Variants in TCF4 observed in about 807,000 individuals in gnomAD.
The protein encoded by TCF4 is transcription factor 4.
A neutral mutation model predicts 82.1 loss-of-function variants in TCF4; 3 were observed. That is an observed-to-expected ratio of 0.04 (90% confidence interval 0.02 to 0.09). The LOEUF (loss-of-function observed/expected upper bound fraction) is 0.09. Among genes scored for constraint, TCF4 ranks in the 10% least tolerant of loss-of-function variants. TCF4 has a pLI of 1.00. For synonymous variants in TCF4, 276 were observed against 309.6 expected, an observed-to-expected ratio of 0.89 and a Z score of 1.14; for missense variants, 518 against 852.7, an observed-to-expected ratio of 0.61 and a Z score of 4.89.
At chr18:55,527,971 G>C (rs1188048920) in intron 3 of TCF4, among the ~76,000 whole-genome samples, 2 of 152,134 alleles carry the variant, frequency 1.3e-5, no homozygotes, top group African/African-American at 4.8e-5. Flanking sequence ...AAAGAAGCCA[G>C]AGCTAAGATA....
At chr18:55,620,482 G>A (rs1015838573) in intron 2 of TCF4, among the ~76,000 whole-genome samples, 1 of 152,054 alleles carries the variant, frequency 6.6e-6, no homozygotes, top group Non-Finnish European at 1.5e-5. Flanking sequence ...CTTTCAAATG[G>A]TTCATTCCTG....
intron 2 of TCF4, among the ~76,000 whole-genome samples, chr18:55,605,169 T>G (rs72932778): frequency 6.6e-6 from 1 of 152,258 alleles, no homozygotes; most frequent in Non-Finnish European, 1.5e-5. Flanking sequence ...TTGGGCCAGG[T>G]AGCAGTGGGT....
chr18:55,515,337 T>TC (rs1441652515), intron 3 of TCF4, among the ~76,000 whole-genome samples: 3 of 152,188 alleles, frequency 2.0e-5, no homozygotes, highest in Non-Finnish European at 4.4e-5. Flanking sequence ...GAGTGTTGAC[T>TC]ATGTTCTGGT....
chr18:55,568,715 C>T (rs919225868), intron 3 of TCF4, among the ~76,000 whole-genome samples: 1 of 152,004 alleles, frequency 6.6e-6, no homozygotes, highest in African/African-American at 2.4e-5. Context: ...TAAGACTATT[C>T]CAGAGAATAC....
At chr18:55,461,661 T>A (rs1022225402) in intron 4 of TCF4, among the ~76,000 whole-genome samples, 1 of 152,094 alleles carries the variant, frequency 6.6e-6, no homozygotes, top group Non-Finnish European at 1.5e-5. Flanking sequence ...AATTAACACA[T>A]AAGAAAGTTA....
At chr18:55,465,440 T>C (rs1244016584) in intron 3 of TCF4, among the ~76,000 whole-genome samples, 2 of 152,138 alleles carry the variant, frequency 1.3e-5, no homozygotes, top group East Asian at 3.9e-4. Context: ...ATGACAAATA[T>C]TATTTCACTT....
intron 3 of TCF4, among the ~76,000 whole-genome samples, chr18:55,510,053 C>T (rs1291571337): frequency 6.6e-6 from 1 of 152,166 alleles, no homozygotes; most frequent in Non-Finnish European, 1.5e-5. Context: ...TTTTCTGACA[C>T]TGCTTTTCAT....
intron 5 of TCF4, among the ~76,000 whole-genome samples, chr18:55,427,933 T>C (rs575023681): frequency 2.6e-5 from 4 of 152,330 alleles, no homozygotes; most frequent in Non-Finnish European, 4.4e-5. Flanking sequence ...ATGACCTCTG[T>C]CTTCAGGAAA....
chr18:55,257,273 A>T, intron 14 of TCF4, 42 bp downstream of exon 14: 1 of 1,584,488 alleles, frequency 6.3e-7, no homozygotes, highest in East Asian at 2.2e-5. Flanking sequence ...AAAGAACATG[A>T]CCTGAAAATG....
intron 3 of TCF4, among the ~76,000 whole-genome samples, chr18:55,478,746 T>C (rs988219465): frequency 6.6e-6 from 1 of 151,600 alleles, no homozygotes; most frequent in Admixed American, 6.6e-5. Flanking sequence ...TTTTTTTACT[T>C]AAGCCCTTTT....
chr18:55,624,553 A>G (rs1339299623), intron 2 of TCF4, among the ~76,000 whole-genome samples: 1 of 149,692 alleles, frequency 6.7e-6, no homozygotes, highest in Non-Finnish European at 1.5e-5. Context: ...GTCACCAGGG[A>G]GAAGTTGTGG....
intron 2 of TCF4, among the ~76,000 whole-genome samples, chr18:55,630,936 G>C (rs1016197715): frequency 2.0e-5 from 3 of 152,128 alleles, no homozygotes; most frequent in African/African-American, 7.2e-5. Context: ...AAGGAGGCCA[G>C]AGTGGCCAGG....
intron 8 of TCF4, among the ~76,000 whole-genome samples, chr18:55,331,133 CAG>C: frequency 6.6e-6 from 1 of 152,190 alleles, no homozygotes; most frequent in South Asian, 2.1e-4. Flanking sequence ...AAGAGACAGA[CAG>C]AAGCTGCTAG....
At chr18:55,453,812 AATT>A (rs757612200) in intron 5 of TCF4, among the ~76,000 whole-genome samples, 14 of 149,584 alleles carry the variant, frequency 9.4e-5, no homozygotes, top group Non-Finnish European at 1.3e-4. Flanking sequence ...TAATAATAGT[AATT>A]ATTATTATTA....
intron 15 of TCF4, among the ~76,000 whole-genome samples, chr18:55,241,847 C>G (rs2051334689): frequency 6.6e-6 from 1 of 152,246 alleles, no homozygotes; most frequent in Non-Finnish European, 1.5e-5. Context: ...TCAGTTGATG[C>G]AATATTAAGG....
At chr18:55,472,800 TTAAA>T (rs2096213540) in intron 3 of TCF4, among the ~76,000 whole-genome samples, 1 of 152,316 alleles carries the variant, frequency 6.6e-6, no homozygotes, top group Non-Finnish European at 1.5e-5. Flanking sequence ...TTCAAAGTAC[TTAAA>T]TAAATGTGAA....
intron 2 of TCF4, among the ~76,000 whole-genome samples, chr18:55,593,907 T>G (rs901454011): frequency 2.0e-5 from 3 of 152,176 alleles, no homozygotes; most frequent in Non-Finnish European, 4.4e-5. Context: ...AAGCAAGATA[T>G]AGCCTGTGGC....
chr18:55,433,328 A>T (rs1466555912), intron 5 of TCF4, among the ~76,000 whole-genome samples: 1 of 152,236 alleles, frequency 6.6e-6, no homozygotes, highest in Non-Finnish European at 1.5e-5. Flanking sequence ...TATTAGATAA[A>T]ATTTGCAAAC....
intron 5 of TCF4, among the ~76,000 whole-genome samples, chr18:55,405,013 GCA>G (rs750102538): frequency 3.3e-5 from 5 of 152,206 alleles, no homozygotes; most frequent in Non-Finnish European, 7.3e-5. Flanking sequence ...AGACACCATC[GCA>G]CAGACTGTCA....
Sources: allele counts gnomAD v4.1 joint callset (sites outside exome capture counted in the v4.1 genomes callset), GRCh38; gene constraint gnomAD v4.1.1; transcripts MANE v1.5; gene names NCBI Gene and HGNC (gene_info 2026-07-23, HGNC 2026-07-21).